CLTCL1: variants seen among roughly 807,000 people sequenced by gnomAD.
The protein encoded by CLTCL1 is clathrin heavy chain 2.
CLTCL1 carries 159 observed loss-of-function variants against 190.0 expected under a neutral mutation model. The ratio of observed to expected loss-of-function variants is 0.84; its 90% CI spans 0.74 to 0.95. CLTCL1 has a LOEUF of 0.95. Ranked by LOEUF, CLTCL1 falls within the 40% of genes least tolerant of loss-of-function variation. The pLI, the probability that CLTCL1 is intolerant of heterozygous loss-of-function variation, is 0.00. For missense variants in CLTCL1, 1,878 were observed against 2,033.4 expected, an observed-to-expected ratio of 0.92 and a Z score of 1.47; for synonymous variants, 752 against 769.6, an observed-to-expected ratio of 0.98 and a Z score of 0.38.
rs1332769754 is a variant in CLTCL1, at chr22:19,198,474, G to A, written c.3873+1260C>T. ...TGACCTTCCTAACGGCCTGAGATCT[G>A]GCCCTCCGTCAGCCTCTCTGCCCCA... On this transcript the variant is annotated intron_variant, in intron 24 of 32. Transcript: ENST00000427926. This position sits in a 1 kb window ranked among gnomAD's most constrained non-coding sequence, Gnocchi z 4.1. Among the ~76,000 whole-genome samples, 3 of 152,124 alleles carry A rather than the reference G, an allele frequency of 2.0e-5. No individual in the cohort carries two copies. Among genetic ancestry groups the A allele is most frequent in the African/African-American group, 7.2e-5 (3 of 41,418 alleles).
chr22:19,234,967 T>C (rs561971920), intron 6 of CLTCL1, among the ~76,000 whole-genome samples: 1 of 152,336 alleles, frequency 6.6e-6, no homozygotes, highest in Admixed American at 6.5e-5. Context: ...CAAAATGACC[T>C]ATGTGGATGG....
chr22:19,224,747 G>A (rs2085685438), intron 13 of CLTCL1, among the ~76,000 whole-genome samples: 2 of 152,180 alleles, frequency 1.3e-5, no homozygotes, highest in African/African-American at 4.8e-5. Flanking sequence ...CGTCTGCCAT[G>A]GTCTTTCCTA....
intron 1 of CLTCL1, among the ~76,000 whole-genome samples, chr22:19,278,542 T>A (rs1458657815): frequency 6.6e-6 from 1 of 152,142 alleles, no homozygotes; most frequent in African/African-American, 2.4e-5. Flanking sequence ...AGAAGCCCCA[T>A]AAGCACAACC....
chr22:19,205,887 C>G (rs2085032399), intron 22 of CLTCL1, among the ~76,000 whole-genome samples: 1 of 150,510 alleles, frequency 6.6e-6, no homozygotes, highest in South Asian at 2.1e-4. Flanking sequence ...ACATGATGAA[C>G]TTTTAACACC....
At chr22:19,185,787 C>A (rs1246890587) in intron 29 of CLTCL1, among the ~76,000 whole-genome samples, 2 of 152,226 alleles carry the variant, frequency 1.3e-5, no homozygotes, top group Non-Finnish European at 2.9e-5. Flanking sequence ...TGTGTTTAAG[C>A]CCCTGACAGG....
At chr22:19,221,240 A>G (rs1310745001) in intron 17 of CLTCL1, 137 bp downstream of exon 17, 4 of 677,590 alleles carry the variant, frequency 5.9e-6, no homozygotes, top group Non-Finnish European at 9.8e-6. Flanking sequence ...AAGCTGTGAG[A>G]ATCACAAGGA....
intron 1 of CLTCL1, among the ~76,000 whole-genome samples, chr22:19,288,734 G>T (rs1312843636): frequency 6.6e-6 from 1 of 152,206 alleles, no homozygotes; most frequent in Non-Finnish European, 1.5e-5. Flanking sequence ...AAGCTTATGG[G>T]AATACATAAC....
intron 19 of CLTCL1, among the ~76,000 whole-genome samples, chr22:19,210,778 C>T (rs2085194825): frequency 6.6e-6 from 1 of 152,036 alleles, no homozygotes; most frequent in South Asian, 2.1e-4. Context: ...TTTTTAGAGC[C>T]CAGCCTCTGG....
At chr22:19,214,204 G>A (rs1465160676) in intron 19 of CLTCL1, among the ~76,000 whole-genome samples, 3 of 152,088 alleles carry the variant, frequency 2.0e-5, no homozygotes, top group African/African-American at 4.8e-5. Flanking sequence ...CAAATGTAAC[G>A]CACATTCCCA....
At chr22:19,234,752 T>G (rs1555961156) in intron 6 of CLTCL1, 46 bp from the exon 7 acceptor site, 1 of 1,508,228 alleles carries the variant, frequency 6.6e-7, no homozygotes, top group Admixed American at 1.7e-5. Flanking sequence ...AGAAGAGTGC[T>G]CCACCATCCC....
At chr22:19,215,187 T>C (rs1555948870) in intron 19 of CLTCL1, among the ~76,000 whole-genome samples, 1 of 152,236 alleles carries the variant, frequency 6.6e-6, no homozygotes, top group African/African-American at 2.4e-5. Context: ...CCTGGCATCC[T>C]GTCATTAGTC....
At chr22:19,223,490 C>T (rs1266678542) in intron 14 of CLTCL1, among the ~76,000 whole-genome samples, 5 of 152,086 alleles carry the variant, frequency 3.3e-5, no homozygotes, top group Non-Finnish European at 5.9e-5. Context: ...CCTTGAAGTA[C>T]AGTGGGAAGG....
chr22:19,189,837 T>C (rs1445744486), intron 27 of CLTCL1, among the ~76,000 whole-genome samples: 2 of 152,240 alleles, frequency 1.3e-5, no homozygotes, highest in Non-Finnish European at 2.9e-5. Context: ...CATATACACA[T>C]GTGGGATGAT....
intron 2 of CLTCL1, among the ~76,000 whole-genome samples, chr22:19,269,751 G>A (rs1311508267): frequency 5.9e-5 from 9 of 152,130 alleles, no homozygotes; most frequent in South Asian, 4.1e-4. Flanking sequence ...TGGACACAGC[G>A]AGGGGAACAA....
chr22:19,217,550 A>G (rs2085424354), intron 18 of CLTCL1, among the ~76,000 whole-genome samples: 2 of 138,088 alleles, frequency 1.4e-5, no homozygotes, highest in South Asian at 2.4e-4. Flanking sequence ...CGGAAGGCGG[A>G]GCTTGCAGTG....
chr22:19,212,832 C>G (rs1775083650), intron 19 of CLTCL1, among the ~76,000 whole-genome samples: 1 of 152,046 alleles, frequency 6.6e-6, no homozygotes, highest in Non-Finnish European at 1.5e-5. Context: ...AAACTTCACA[C>G]TTTATTGGAT....
chr22:19,191,468 C>T, intron 26 of CLTCL1, 33 bp from the exon 27 acceptor site: 1 of 1,608,268 alleles, frequency 6.2e-7, no homozygotes, highest in South Asian at 1.1e-5. Flanking sequence ...TCAGTCCCTG[C>T]CGCTGTCTCC....
intron 11 of CLTCL1, 144 bp downstream of exon 11, chr22:19,229,694 G>T: frequency 1.4e-6 from 1 of 693,420 alleles, no homozygotes; most frequent in Non-Finnish European, 2.1e-6. Flanking sequence ...TTTAAGGAAA[G>T]TCATGGAGAA....
At chr22:19,187,933 G>C (rs1229295343) in intron 28 of CLTCL1, 48 bp downstream of exon 28, 1 of 1,560,760 alleles carries the variant, frequency 6.4e-7, no homozygotes, top group African/African-American at 1.4e-5. Flanking sequence ...GCAGTTGCAG[G>C]GGAGGAGCCC....
Sources: allele counts gnomAD v4.1 joint callset (sites outside exome capture counted in the v4.1 genomes callset), GRCh38; gene constraint gnomAD v4.1.1; non-coding constraint Gnocchi (gnomAD v3.1); transcripts MANE v1.5; gene names NCBI Gene and HGNC (gene_info 2026-07-23, HGNC 2026-07-21).